CNTNAP5: variants seen among roughly 807,000 people sequenced by gnomAD.
The protein encoded by CNTNAP5 is contactin-associated protein-like 5.
A neutral mutation model predicts 150.2 loss-of-function variants in CNTNAP5; 72 were observed. The observed-to-expected ratio is 0.48, with a 90% CI of 0.40 to 0.58. The LOEUF (loss-of-function observed/expected upper bound fraction) is 0.58. Ranked by LOEUF, CNTNAP5 falls within the 20% of genes least tolerant of loss-of-function variation. The pLI is 0.00. For missense variants in CNTNAP5, 1,636 were observed against 1,626.2 expected (o/e 1.01, Z -0.10); for synonymous variants, 672 against 619.8 (o/e 1.08, Z -1.25).
chr2:124,277,472 TA>T (rs1687909765), intron 3 of CNTNAP5, among the ~76,000 whole-genome samples: 1 of 152,168 alleles, frequency 6.6e-6, no homozygotes, highest in Non-Finnish European at 1.5e-5. Flanking sequence ...TGCAGAAAGC[TA>T]AACAGTCTAT....
chr2:124,551,663 G>A (rs1349419107), intron 10 of CNTNAP5, among the ~76,000 whole-genome samples: 1 of 152,090 alleles, frequency 6.6e-6, no homozygotes, highest in East Asian at 1.9e-4. Context: ...TATAAAGAAG[G>A]AATGAGAATT....
At chr2:124,625,629 G>T (rs575302453) in intron 12 of CNTNAP5, among the ~76,000 whole-genome samples, 1 of 152,116 alleles carries the variant, frequency 6.6e-6, no homozygotes, top group Admixed American at 6.6e-5. Flanking sequence ...GCCTAGAATC[G>T]CTGCTCTTCT....
At chr2:124,427,165 C>T (rs1176149242) in intron 4 of CNTNAP5, among the ~76,000 whole-genome samples, 1 of 152,100 alleles carries the variant, frequency 6.6e-6, no homozygotes, top group East Asian at 1.9e-4. Flanking sequence ...ATAGAGAACT[C>T]TGAGGAACAG....
In CNTNAP5 at chr2:124,186,267, A is replaced by G. The variant is rs144110367; in HGVS notation, c.83-35438A>G. 4.3e-4 allele frequency among the ~76,000 whole-genome samples: 66 copies of G among 152,356 alleles called. No individual in the cohort carries two copies. In the East Asian group the frequency reaches 5.6e-3, roughly 13 times the overall value. ...CACTGGCTTACATATGAAGACATCT[A>G]TTCTATAGTTGTGTGTTATGTTTAG... On this transcript the variant is annotated intron_variant, in intron 1 of 23. Transcript: ENST00000682447.
chr2:124,248,274 A>G (rs943317368), intron 3 of CNTNAP5, among the ~76,000 whole-genome samples: 2 of 152,118 alleles, frequency 1.3e-5, no homozygotes, highest in African/African-American at 4.8e-5. Context: ...CATTGCATCC[A>G]TTCCTCCACA....
Position 124,706,799 on chromosome 2 carries a change from AGGAGGAGG to A in CNTNAP5, c.2078-40429_2078-40422del, listed in dbSNP as rs1679657904. 2.6e-4 allele frequency among the ~76,000 whole-genome samples: 2 copies of A among 7,728 alleles called. 1 individual carries two copies. Among genetic ancestry groups the A allele is most frequent in the African/African-American group, 8.6e-4 (2 of 2,336 alleles). The allele number at this position is 7,728 out of a possible 152,430, so 5.1% of individuals were successfully genotyped here. A position where few individuals can be genotyped will look rare whatever the true frequency, so the allele number is the denominator to read the frequency against. On this transcript the variant is annotated intron_variant, in intron 13 of 23. Transcript: ENST00000682447. ...AAGAAGAAGAAGAAGAAGAAGAAGGAGGAGGAGGAGGAGGAGGAGGAGGAGGAAGAGGA... is the reference window on the plus strand; with the variant it reads ...AAGAAGAAGAAGAAGAAGAAGAAGGAAGGAGGAGGAGGAGGAGGAAGAGGA...
At chr2:124,526,997 C>A (rs1167633197) in intron 9 of CNTNAP5, among the ~76,000 whole-genome samples, 3 of 152,114 alleles carry the variant, frequency 2.0e-5, no homozygotes, top group Admixed American at 2.0e-4. Flanking sequence ...AAAAGAATAG[C>A]AAATAGTTTA....
chr2:124,442,414 C>T (rs188697517), intron 5 of CNTNAP5, among the ~76,000 whole-genome samples: 9 of 152,256 alleles, frequency 5.9e-5, no homozygotes, highest in South Asian at 2.1e-4. Flanking sequence ...AATTTACTAG[C>T]GTTCTCCTGC....
chr2:124,274,552 C>G (rs1252014539), intron 3 of CNTNAP5, among the ~76,000 whole-genome samples: 1 of 152,040 alleles, frequency 6.6e-6, no homozygotes, highest in African/African-American at 2.4e-5. Flanking sequence ...AAATGCACCT[C>G]TCCCCAAACA....
intron 1 of CNTNAP5, among the ~76,000 whole-genome samples, chr2:124,038,250 G>A (rs1338319615): frequency 3.3e-5 from 5 of 152,178 alleles, no homozygotes; most frequent in Non-Finnish European, 7.4e-5. Flanking sequence ...CAGCTGTATA[G>A]AAAACCACAG....
intron 12 of CNTNAP5, among the ~76,000 whole-genome samples, chr2:124,612,873 T>C (rs1227433440): frequency 6.6e-6 from 1 of 152,022 alleles, no homozygotes; most frequent in African/African-American, 2.4e-5. Context: ...ACCAACATGG[T>C]GAAAACCCAT....
At chr2:124,119,544 T>A (rs1683512034) in intron 1 of CNTNAP5, among the ~76,000 whole-genome samples, 1 of 152,190 alleles carries the variant, frequency 6.6e-6, no homozygotes, top group Admixed American at 6.5e-5. Context: ...TGACCGATAG[T>A]AATTTTTGAG....
intron 19 of CNTNAP5, among the ~76,000 whole-genome samples, chr2:124,857,920 G>A (rs1048930052): frequency 3.3e-5 from 5 of 152,016 alleles, no homozygotes; most frequent in Admixed American, 1.3e-4. Context: ...CAAGTGAATT[G>A]GTCTCTGGAC....
At chr2:124,678,494 C>T (rs7567777) in intron 13 of CNTNAP5, among the ~76,000 whole-genome samples, 33,735 of 151,476 alleles carry the variant, frequency 0.22, 4,139 homozygotes, top group African/African-American at 0.31. Flanking sequence ...CTTTTCTGCT[C>T]TTGTCTGCCT....
At chr2:124,417,347 A>G in intron 3 of CNTNAP5, 96 bp from the exon 4 acceptor site, 1 of 1,240,376 alleles carries the variant, frequency 8.1e-7, no homozygotes, top group Non-Finnish European at 1.1e-6. Context: ...GAAATTAGGT[A>G]TGTTCTCAGT....
chr2:124,178,227 A>G (rs376683842), intron 1 of CNTNAP5, among the ~76,000 whole-genome samples: 1 of 152,170 alleles, frequency 6.6e-6, no homozygotes, highest in Admixed American at 6.5e-5. Flanking sequence ...CTAAGCAACT[A>G]TCTTTTCTCA....
chr2:124,034,857 AC>A (rs1446435502), intron 1 of CNTNAP5, among the ~76,000 whole-genome samples: 6 of 152,132 alleles, frequency 3.9e-5, no homozygotes, highest in Non-Finnish European at 5.9e-5. Context: ...GAGCCACATT[AC>A]CCTCCTGTGT....
intron 2 of CNTNAP5, among the ~76,000 whole-genome samples, chr2:124,241,036 A>C (rs1182127895): frequency 2.0e-5 from 3 of 152,248 alleles, no homozygotes; most frequent in African/African-American, 7.2e-5. Context: ...ACCTCTCCCT[A>C]CTTGATGTCC....
At chr2:124,718,992 CA>C (rs1414372257) in intron 13 of CNTNAP5, among the ~76,000 whole-genome samples, 1 of 151,704 alleles carries the variant, frequency 6.6e-6, no homozygotes, top group Non-Finnish European at 1.5e-5. Flanking sequence ...AAGTGAATGC[CA>C]TAGACTCATT....
Sources: allele counts gnomAD v4.1 joint callset (sites outside exome capture counted in the v4.1 genomes callset), GRCh38; gene constraint gnomAD v4.1.1; transcripts MANE v1.5; gene names NCBI Gene and HGNC (gene_info 2026-07-23, HGNC 2026-07-21).